The following SETD2 variants were observed in gnomAD, a reference collection of about 807,000 sequenced individuals.
SETD2 encodes histone-lysine N-methyltransferase SETD2.
A neutral mutation model predicts 242.1 loss-of-function variants in SETD2; 31 were observed. That is an observed-to-expected ratio of 0.13 (90% confidence interval 0.10 to 0.17). SETD2 has a LOEUF of 0.17. Ranked by LOEUF, SETD2 falls within the 10% of genes least tolerant of loss-of-function variation. SETD2 has a pLI of 1.00. For missense variants in SETD2, 2,481 were observed against 3,046.3 expected, an observed-to-expected ratio of 0.81 and a Z score of 4.37; for synonymous variants, 1,006 against 1,066.5, an observed-to-expected ratio of 0.94 and a Z score of 1.11.
intron 2 of SETD2, 34 bp downstream of exon 2, chr3:47,126,614 A>C (rs1229879683): frequency 1.7e-6 from 2 of 1,174,930 alleles, no homozygotes; most frequent in Non-Finnish European, 2.5e-6. Context: ...GGTCCATCTC[A>C]TAATCATTGA....
chr3:47,056,115 T>C lies in SETD2; in HGVS notation c.6963+706A>G, dbSNP rs546594539. Among the ~76,000 whole-genome samples the C allele has an allele frequency of 6.2e-5, 9 of 146,144 alleles. No homozygotes were observed. The South Asian group carries it at 1.9e-3, about 32-fold the overall frequency. On this transcript the variant is annotated intron_variant, in intron 15 of 20. Coordinates refer to ENST00000409792, the MANE Select transcript of SETD2 (RefSeq NM_014159.7). Reference sequence around the variant, plus strand: ...TGATTTTTATTTATTTATTTATTTATTTATTTATTTATTTATTTATTTATT... The same window carrying C: ...TGATTTTTATTTATTTATTTATTTACTTATTTATTTATTTATTTATTTATT...
At chr3:47,148,882 C>T (rs1025319869) in intron 1 of SETD2, among the ~76,000 whole-genome samples, 13 of 152,282 alleles carry the variant, frequency 8.5e-5, no homozygotes, top group Admixed American at 5.2e-4. Context: ...GAGTTTCATA[C>T]GGGATTAAGC....
At chr3:47,106,493 T>TTAAAAAAAAAA (rs1309150228) in intron 5 of SETD2, among the ~76,000 whole-genome samples, 2 of 57,260 alleles carry the variant, frequency 3.5e-5, no homozygotes, top group African/African-American at 1.3e-4. Context: ...ATTTTTGCTC[T>TTAAAAAAAAAA]AAAAAAAAAA....
intron 12 of SETD2, chr3:47,080,728 G>A (rs1395036555): frequency 1.1e-6 from 1 of 891,424 alleles, no homozygotes; most frequent in African/African-American, 1.8e-5. Context: ...TCTACTTTAG[G>A]AGTCAAAATG....
intron 7 of SETD2, among the ~76,000 whole-genome samples, chr3:47,102,881 A>T (rs1575777280): frequency 6.6e-6 from 1 of 152,172 alleles, no homozygotes; most frequent in East Asian, 1.9e-4. Context: ...CTAATAAAGA[A>T]TCCAAATACA....
intron 12 of SETD2, among the ~76,000 whole-genome samples, chr3:47,083,142 G>A (rs1054963671): frequency 6.6e-6 from 1 of 152,170 alleles, no homozygotes; most frequent in African/African-American, 2.4e-5. Context: ...TTCAACAAGA[G>A]ATTATGTATG....
chr3:47,103,495 C>T (rs1235728577), intron 6 of SETD2, 72 bp from the exon 7 acceptor site: 2 of 1,073,546 alleles, frequency 1.9e-6, no homozygotes, highest in African/African-American at 3.1e-5. Flanking sequence ...TGCAAAACTA[C>T]ATACATCTCT....
At chr3:47,129,751 G>A (rs893036412) in intron 1 of SETD2, among the ~76,000 whole-genome samples, 1 of 152,194 alleles carries the variant, frequency 6.6e-6, no homozygotes, top group Admixed American at 6.5e-5. Flanking sequence ...CAGGCATGAT[G>A]GCAAGTGCCT....
intron 14 of SETD2, among the ~76,000 whole-genome samples, chr3:47,058,465 C>CA (rs1448864045): frequency 1.3e-5 from 1 of 76,156 alleles, no homozygotes; most frequent in Non-Finnish European, 2.4e-5. Context: ...AAAAAAAAAA[C>CA]ACAAAGAGGG....
chr3:47,062,153 G>A lies in SETD2; in HGVS notation c.6293+10C>T, dbSNP rs373591866. ...AAACAAAAACAAAAAAACTCACACA[G>A]GCCACTTACCTGTCATCTGGCCTTT... On this transcript the variant is annotated intron_variant, in intron 14 of 20. Coordinates refer to ENST00000409792, the MANE Select transcript of SETD2 (RefSeq NM_014159.7). 54 of 1,609,842 alleles carry A rather than the reference G, an allele frequency of 3.4e-5. No homozygotes were observed. The Middle Eastern group carries it at 5.2e-4, about 16-fold the overall frequency.
intron 17 of SETD2, among the ~76,000 whole-genome samples, chr3:47,039,129 A>G (rs2039157221): frequency 1.3e-5 from 2 of 152,348 alleles, no homozygotes; most frequent in South Asian, 4.1e-4. Flanking sequence ...AACTGAACAA[A>G]TATATACATG....
intron 8 of SETD2, 127 bp downstream of exon 8, chr3:47,101,331 T>C: frequency 1.7e-6 from 1 of 594,436 alleles, no homozygotes; most frequent in Middle Eastern, 4.7e-4. Context: ...ACCAAAACAA[T>C]ATCTTATAGA....
At chr3:47,130,437 T>C (rs1420446321) in intron 1 of SETD2, among the ~76,000 whole-genome samples, 1 of 152,200 alleles carries the variant, frequency 6.6e-6, no homozygotes, top group Non-Finnish European at 1.5e-5. Flanking sequence ...GTAGGAGACC[T>C]AGGTACGGCC....
At chr3:47,131,764 CTTTT>C (rs527871689) in intron 1 of SETD2, among the ~76,000 whole-genome samples, 4 of 139,134 alleles carry the variant, frequency 2.9e-5, no homozygotes, top group African/African-American at 1.1e-4. Flanking sequence ...TTTGCATATT[CTTTT>C]TTTTTTTTTT....
intron 18 of SETD2, among the ~76,000 whole-genome samples, chr3:47,034,670 A>T (rs1464410526): frequency 6.6e-6 from 1 of 152,194 alleles, no homozygotes; most frequent in Non-Finnish European, 1.5e-5. Context: ...CTGCCTCTAA[A>T]AACAAAGCAA....
chr3:47,133,033 C>T (rs1280818161), intron 1 of SETD2, among the ~76,000 whole-genome samples: 2 of 152,064 alleles, frequency 1.3e-5, no homozygotes, highest in Non-Finnish European at 2.9e-5. Context: ...TTAGGAAATA[C>T]ATATTTGAGG....
rs1288863697 is a variant in SETD2 at position 47,120,550 on chromosome 3, T to A, written c.4086A>T (p.Lys1362Asn). 1.9e-6 allele frequency: 3 copies of A among 1,614,100 alleles called. No homozygotes were observed. The highest frequency in any genetic ancestry group is 2.2e-5 in the East Asian group (1 of 44,904). ...CAGGTGCTTGCACTGACCCCTTGTCTTTCTGAAGGGATAGAAGAAATTTAT... is the reference window on the plus strand; with the variant it reads ...CAGGTGCTTGCACTGACCCCTTGTCATTCTGAAGGGATAGAAGAAATTTAT... ...QSDKFLLSLQ[K>N]DKGSVQAPEI... Residue 1362 changes from lysine to asparagine, a missense_variant, in exon 3 of 21, where the codon AAA becomes AAT. By Grantham distance (94) the Lys-to-Asn change is moderately conservative (BLOSUM62 0). Transcript: ENST00000409792.
chr3:47,125,883 A>T (rs896227089), intron 2 of SETD2, among the ~76,000 whole-genome samples: 1 of 152,238 alleles, frequency 6.6e-6, no homozygotes, highest in African/African-American at 2.4e-5. Flanking sequence ...TCTTCTAATT[A>T]ATGTTCTTTA....
At chr3:47,124,658 AATAGT>A in intron 2 of SETD2, 110 bp from the exon 3 acceptor site, 1 of 912,290 alleles carries the variant, frequency 1.1e-6, no homozygotes, top group East Asian at 2.7e-5. Flanking sequence ...TTTAATAACA[AATAGT>A]ATGAATTTCA....
Sources: gnomAD v4.1 joint callset for allele counts (sites outside exome capture counted in the v4.1 genomes callset) on GRCh38, gnomAD v4.1.1 for gene constraint, MANE v1.5 for transcripts, NCBI Gene and HGNC (gene_info 2026-07-23, HGNC 2026-07-21) for gene names.